VPS13B: variants seen among roughly 807,000 people sequenced by gnomAD.
VPS13B encodes the protein intermembrane lipid transfer protein VPS13B.
A neutral mutation model predicts 426.4 loss-of-function variants in VPS13B; 285 were observed. The ratio of observed to expected loss-of-function variants is 0.67; its 90% CI spans 0.61 to 0.74. The LOEUF (loss-of-function observed/expected upper bound fraction) is 0.74. Ranked by LOEUF, VPS13B falls within the 30% of genes least tolerant of loss-of-function variation. The pLI is 0.00. For synonymous variants in VPS13B, 1,676 were observed against 1,676.4 expected, an observed-to-expected ratio of 1.00 and a Z score of 0.01; for missense variants, 4,537 against 4,782.6, an observed-to-expected ratio of 0.95 and a Z score of 1.51.
chr8:99,398,587 G>A (rs551142811), intron 21 of VPS13B, among the ~76,000 whole-genome samples: 17 of 152,282 alleles, frequency 1.1e-4, no homozygotes, highest in African/African-American at 3.8e-4. Flanking sequence ...CAATAGAGAT[G>A]TAAAGAGACA....
chr8:99,061,296 C>CTTTTTTTTTTT (rs36037937), intron 3 of VPS13B, among the ~76,000 whole-genome samples: 2 of 112,952 alleles, frequency 1.8e-5, no homozygotes, highest in Non-Finnish European at 3.5e-5. Flanking sequence ...TGCTAATTTT[C>CTTTTTTTTTTT]TTTTTTTTTT....
At chr8:99,417,804 T>TC (rs1482177056) in intron 21 of VPS13B, among the ~76,000 whole-genome samples, 1 of 152,142 alleles carries the variant, frequency 6.6e-6, no homozygotes, top group Non-Finnish European at 1.5e-5. Flanking sequence ...TGTTTTTTTT[T>TC]CTTGACAGAT....
At chr8:99,282,444 C>T (rs567659681) in intron 19 of VPS13B, among the ~76,000 whole-genome samples, 1 of 152,190 alleles carries the variant, frequency 6.6e-6, no homozygotes, top group South Asian at 2.1e-4. Flanking sequence ...ACTTGGAAAC[C>T]GTGGATCTTT....
At chr8:99,738,083 C>T (rs767514731) in intron 39 of VPS13B, among the ~76,000 whole-genome samples, 1 of 152,212 alleles carries the variant, frequency 6.6e-6, no homozygotes, top group Non-Finnish European at 1.5e-5. Flanking sequence ...AACTAGCTCT[C>T]TTAAGACCGC....
At chr8:99,693,114 G>A (rs1243515453) in intron 35 of VPS13B, among the ~76,000 whole-genome samples, 1 of 144,936 alleles carries the variant, frequency 6.9e-6, no homozygotes, top group Non-Finnish European at 1.5e-5. Context: ...TCTACCAGAG[G>A]TACAAGGAGG....
intron 24 of VPS13B, among the ~76,000 whole-genome samples, chr8:99,477,710 G>A (rs760078429): frequency 6.6e-6 from 1 of 152,216 alleles, no homozygotes; most frequent in East Asian, 1.9e-4. Flanking sequence ...AGAAGGCTAT[G>A]TATGTAAGGT....
In VPS13B at chr8:99,174,264, G is replaced by T. The variant is rs760631473; in HGVS notation, c.2333+4101G>T. ...ATACCTCTCACCTTTTAGCTATTGT[G>T]AATGATGCTGCTGTGAACATGCATG... On this transcript the variant is annotated intron_variant, in intron 16 of 61. Coordinates refer to ENST00000357162, the MANE Select transcript of VPS13B (RefSeq NM_152564.5). Among the ~76,000 whole-genome samples the T allele has an allele frequency of 5.1e-4, 77 of 152,092 alleles. 1 individual carries two copies. The highest frequency in any genetic ancestry group is 4.1e-4 in the South Asian group (2 of 4,824).
chr8:99,358,016 A>ACG (rs1812277905), intron 19 of VPS13B, among the ~76,000 whole-genome samples: 2 of 151,618 alleles, frequency 1.3e-5, no homozygotes, highest in African/African-American at 4.9e-5. Context: ...ACACACACAC[A>ACG]CACACACACA....
chr8:99,801,817 T>C (rs1813138774), intron 43 of VPS13B, among the ~76,000 whole-genome samples: 1 of 152,170 alleles, frequency 6.6e-6, no homozygotes, highest in Admixed American at 6.5e-5. Context: ...GTTAGTTGGC[T>C]TATAGTAAAC....
intron 2 of VPS13B, among the ~76,000 whole-genome samples, chr8:99,031,312 T>C (rs947940505): frequency 4.6e-5 from 7 of 152,216 alleles, no homozygotes; most frequent in African/African-American, 1.7e-4. Flanking sequence ...TCTGATTTTG[T>C]TGAATTAACT....
chr8:99,192,957 A>G lies in VPS13B; in HGVS notation c.2415A>G (p.Thr805=). 6.2e-7 allele frequency: 1 copy of G among 1,613,648 alleles called. No homozygotes were observed. The highest frequency in any genetic ancestry group is 1.1e-5 in the South Asian group (1 of 91,064). The change falls in exon 17 of 62, where the codon ACA becomes ACG. Residue 805 remains threonine (T), a synonymous_variant. Transcript: ENST00000357162. Reference sequence around the variant, plus strand: ...CAATTCAAGCTACAAGAGCACAGACACTTCTCTTGCAAGCAATATATCAAA... The same window carrying G: ...CAATTCAAGCTACAAGAGCACAGACGCTTCTCTTGCAAGCAATATATCAAA... ...NLTIQATRAQ[T]LLLQAIYQSW... is the part of the protein sequence containing the mutation.
chr8:99,340,063 T>TA (rs1811152691), intron 19 of VPS13B, among the ~76,000 whole-genome samples: 2 of 152,188 alleles, frequency 1.3e-5, no homozygotes, highest in African/African-American at 4.8e-5. Context: ...CCATCACAGA[T>TA]AGCCTCCTTA....
intron 3 of VPS13B, among the ~76,000 whole-genome samples, chr8:99,059,978 C>T (rs767783924): frequency 4.0e-5 from 6 of 151,552 alleles, no homozygotes; most frequent in African/African-American, 1.2e-4. Flanking sequence ...TCAGGTGATC[C>T]GCCCACCTCG....
Position 99,233,009 on chromosome 8 carries a change from C to G in VPS13B, c.2515+39952C>G, listed in dbSNP as rs529653351. The G allele has an allele frequency of 7.2e-6, 6 of 828,434 alleles. No homozygotes were observed. The Admixed American group carries it at 7.9e-5, about 11-fold the overall frequency. The allele number at this position is 828,434 out of a possible 1,614,324, so 51.3% of individuals were successfully genotyped here. ...CTCATTTTGTCAGGTGTTGGAAGGGCTCCATTCATCTGTTGTTTTGCTGAT... is the reference window on the plus strand; with the variant it reads ...CTCATTTTGTCAGGTGTTGGAAGGGGTCCATTCATCTGTTGTTTTGCTGAT... On this transcript the variant is annotated intron_variant, in intron 17 of 61. Coordinates refer to ENST00000357162, the MANE Select transcript of VPS13B (RefSeq NM_152564.5).
chr8:99,729,108 C>G (rs1262898026), intron 39 of VPS13B, among the ~76,000 whole-genome samples: 5 of 152,120 alleles, frequency 3.3e-5, no homozygotes, highest in Admixed American at 6.5e-5. Context: ...GTGCTCTTGG[C>G]CCAGTCAACT....
chr8:99,652,351 A>G (rs979200009), intron 34 of VPS13B, among the ~76,000 whole-genome samples: 6 of 152,184 alleles, frequency 3.9e-5, no homozygotes, highest in Non-Finnish European at 5.9e-5. Flanking sequence ...ATTAGGATTA[A>G]ACAATGTATG....
chr8:99,661,580 C>A, intron 35 of VPS13B, 89 bp downstream of exon 35: 1 of 1,498,254 alleles, frequency 6.7e-7, no homozygotes, highest in Non-Finnish European at 9.1e-7. Context: ...TCTTGACATT[C>A]CGTGCAAAAA....
At chr8:99,461,108 A>C (rs1818806631) in intron 23 of VPS13B, among the ~76,000 whole-genome samples, 1 of 152,112 alleles carries the variant, frequency 6.6e-6, no homozygotes, top group Admixed American at 6.6e-5. Context: ...CCATAACTGC[A>C]AGTCTAACCC....
rs764708878 is a variant in VPS13B, at chr8:99,859,485, C to T, written c.11044+5C>T. 3.4e-5 allele frequency: 54 copies of T among 1,611,384 alleles called. No individual in the cohort carries two copies. In the Middle Eastern group the frequency reaches 4.9e-4, roughly 15 times the overall value. ...TTGTAAAGCACATCTCCAAAGGTAG[C>T]GGGTTCCGTTCCTTGTAATAATGCC... On this transcript the variant is annotated splice_donor_5th_base_variant and intron_variant, in intron 57 of 61. Coordinates refer to ENST00000357162, the MANE Select transcript of VPS13B (RefSeq NM_152564.5).
Sources: gnomAD v4.1 joint callset for allele counts (sites outside exome capture counted in the v4.1 genomes callset) on GRCh38, gnomAD v4.1.1 for gene constraint, MANE v1.5 for transcripts, NCBI Gene and HGNC (gene_info 2026-07-23, HGNC 2026-07-21) for gene names.